The following CPED1 variants were observed in gnomAD, a reference collection of about 807,000 sequenced individuals.
CPED1 encodes the protein cadherin like and PC-esterase domain containing 1.
A neutral mutation model predicts 128.2 loss-of-function variants in CPED1; 114 were observed. The ratio of observed to expected loss-of-function variants is 0.89; its 90% CI spans 0.76 to 1.04. The LOEUF (loss-of-function observed/expected upper bound fraction) is 1.04. Among genes scored for constraint, CPED1 ranks in the 50% least tolerant of loss-of-function variants. CPED1 has a pLI of 0.00. For synonymous variants in CPED1, 462 were observed against 426.7 expected (o/e 1.08, Z -1.02); for missense variants, 1,211 against 1,207.1 (o/e 1.00, Z -0.05).
At position 121,017,799 on chromosome 7, in the gene CPED1, A is replaced by G. The variant is rs564091781; in HGVS notation, c.433+1951A>G. ...AGGAGAATTACTCTGCAGCTTCCAAATATCAAGGAAGTGCAAAAACAGCCT... is the reference window on the plus strand; with the variant it reads ...AGGAGAATTACTCTGCAGCTTCCAAGTATCAAGGAAGTGCAAAAACAGCCT... On this transcript the variant is annotated intron_variant, in intron 3 of 22. Transcript: ENST00000310396. Among the ~76,000 whole-genome samples, 4 of 152,310 alleles carry G rather than the reference A, an allele frequency of 2.6e-5. No homozygotes were observed. The South Asian group carries it at 6.2e-4, about 24-fold the overall frequency.
intron 18 of CPED1, among the ~76,000 whole-genome samples, chr7:121,250,695 T>C (rs7804720): frequency 0.41 from 62,940 of 151,744 alleles, 13,488 homozygotes; most frequent in Middle Eastern, 0.52. Context: ...AACACCTCTA[T>C]GCAAATAAAC....
intron 3 of CPED1, among the ~76,000 whole-genome samples, chr7:121,026,099 G>A (rs374644439): frequency 6.6e-6 from 1 of 152,126 alleles, no homozygotes; most frequent in Non-Finnish European, 1.5e-5. Context: ...AGCTCTGAGC[G>A]ATCATTTCTT....
chr7:121,261,955 A>G (rs1792027994), intron 18 of CPED1: 1 of 430,156 alleles, frequency 2.3e-6, no homozygotes, highest in Admixed American at 4.1e-5. Flanking sequence ...TCCAAGTCTC[A>G]TGTTGAAATG....
At chr7:121,283,896 C>T (rs1303066841) in intron 22 of CPED1, among the ~76,000 whole-genome samples, 1 of 152,154 alleles carries the variant, frequency 6.6e-6, no homozygotes, top group Non-Finnish European at 1.5e-5. Context: ...GTTTCCAAAG[C>T]CCGGGCTCCA....
chr7:121,113,669 G>A (rs925834991), intron 7 of CPED1, among the ~76,000 whole-genome samples: 5 of 152,178 alleles, frequency 3.3e-5, no homozygotes, highest in East Asian at 1.9e-4. Context: ...AGGAAGGAAG[G>A]AAGAGAAAGA....
intron 5 of CPED1, among the ~76,000 whole-genome samples, chr7:121,095,162 G>A (rs1292796014): frequency 1.3e-5 from 2 of 152,102 alleles, no homozygotes; most frequent in South Asian, 2.1e-4. Context: ...GGTCGTTTGA[G>A]CATTGTTTGT....
At chr7:121,002,932 T>C (rs1054631588) in intron 2 of CPED1, among the ~76,000 whole-genome samples, 2 of 152,184 alleles carry the variant, frequency 1.3e-5, no homozygotes, top group Non-Finnish European at 2.9e-5. Context: ...TTTATAGTAA[T>C]GTAACCATAC....
intron 2 of CPED1, among the ~76,000 whole-genome samples, chr7:121,003,491 C>T (rs928446196): frequency 6.6e-6 from 1 of 151,828 alleles, no homozygotes; most frequent in African/African-American, 2.4e-5. Context: ...GGAAAGAGTG[C>T]TTATATTTGG....
At chr7:121,080,662 G>A (rs966389173) in intron 5 of CPED1, among the ~76,000 whole-genome samples, 2 of 151,996 alleles carry the variant, frequency 1.3e-5, no homozygotes, top group Non-Finnish European at 2.9e-5. Context: ...GAACTATACT[G>A]TACTGTAATT....
At chr7:121,131,642 T>C (rs1424696259) in intron 12 of CPED1, among the ~76,000 whole-genome samples, 3 of 152,018 alleles carry the variant, frequency 2.0e-5, no homozygotes, top group Admixed American at 6.6e-5. Flanking sequence ...TGAATTCTCT[T>C]CTAATAAGAA....
rs553364077 is a variant in CPED1, at chr7:121,058,203, C to G, written c.541-6035C>G. Among the ~76,000 whole-genome samples, 5 of 152,200 alleles carry G rather than the reference C, an allele frequency of 3.3e-5. No individual in the cohort carries two copies. In the East Asian group the frequency reaches 7.7e-4, roughly 24 times the overall value. On this transcript the variant is annotated intron_variant, in intron 4 of 22. Transcript: ENST00000310396. ...GTCGTAAGGACTGCGGGCTTTTACT[C>G]TTGTTAAGTGGAGAGTAATTGGATG...
At chr7:121,025,685 G>A (rs967383261) in intron 3 of CPED1, among the ~76,000 whole-genome samples, 3 of 151,878 alleles carry the variant, frequency 2.0e-5, no homozygotes. Context: ...CCTTCTTTGT[G>A]TTCTTTCTCC....
At chr7:121,115,261 A>T (rs1287903125) in intron 7 of CPED1, among the ~76,000 whole-genome samples, 5 of 152,232 alleles carry the variant, frequency 3.3e-5, no homozygotes, top group African/African-American at 1.2e-4. Context: ...CATAATTGAA[A>T]ATAGCCCATG....
At chr7:121,275,557 C>G (rs1792314216) in intron 22 of CPED1, among the ~76,000 whole-genome samples, 1 of 152,106 alleles carries the variant, frequency 6.6e-6, no homozygotes, top group Admixed American at 6.6e-5. Context: ...AATCCACAAC[C>G]AACTGATATG....
intron 16 of CPED1, among the ~76,000 whole-genome samples, chr7:121,165,378 A>G (rs1796500515): frequency 6.6e-6 from 1 of 152,182 alleles, no homozygotes; most frequent in Admixed American, 6.5e-5. Context: ...TAAAAATTAG[A>G]AACTCATTAA....
intron 10 of CPED1, among the ~76,000 whole-genome samples, chr7:121,127,825 A>T (rs1795545119): frequency 6.6e-6 from 1 of 152,062 alleles, no homozygotes; most frequent in Non-Finnish European, 1.5e-5. Context: ...GTTTGTGGAT[A>T]TTATGAATAA....
At chr7:121,150,359 T>C (rs1796129979) in intron 16 of CPED1, among the ~76,000 whole-genome samples, 1 of 152,030 alleles carries the variant, frequency 6.6e-6, no homozygotes, top group African/African-American at 2.4e-5. Flanking sequence ...GCTGCATCCA[T>C]GTTGCTGCAA....
At chr7:121,132,730 ATGCAGAAAATCAC>A (rs1455330905) in intron 12 of CPED1, among the ~76,000 whole-genome samples, 1 of 152,112 alleles carries the variant, frequency 6.6e-6, no homozygotes, top group African/African-American at 2.4e-5. Flanking sequence ...TCACAAAATT[ATGCAGAAAATCAC>A]TGCAAGATGC....
At position 121,127,234 on chromosome 7, in the gene CPED1, CTT is replaced by C. The variant is rs1795526670; in HGVS notation, c.1281_1282del (p.Tyr428Ter). 4 of 1,581,936 alleles carry C rather than the reference CTT, an allele frequency of 2.5e-6. No homozygotes were observed. The highest frequency in any genetic ancestry group is 3.5e-6 in the Non-Finnish European group (4 of 1,156,402). ...CATATTTTCTGAGATATTTCAGAGACTTTATAGATCAGATGTTTTCAAGGTAA... is the reference window on the plus strand; with the variant it reads ...CATATTTTCTGAGATATTTCAGAGACTATAGATCAGATGTTTTCAAGGTAA... ...LSIFSEIFQR[L>X]YRSDVFKGEN... On this transcript the variant is annotated frameshift_variant, in exon 10 of 23. Transcript: ENST00000310396. LOFTEE classifies it high-confidence loss of function.
Sources: gnomAD v4.1 joint callset for allele counts (sites outside exome capture counted in the v4.1 genomes callset) on GRCh38, gnomAD v4.1.1 for gene constraint, MANE v1.5 for transcripts, NCBI Gene and HGNC (gene_info 2026-07-23, HGNC 2026-07-21) for gene names.